The following COL25A1 variants were observed in gnomAD, a reference collection of about 807,000 sequenced individuals.
COL25A1 encodes collagen type XXV alpha 1 chain, also known as collagen alpha-1(XXV) chain.
In COL25A1, 103 loss-of-function variants were observed where a neutral mutation model predicts 128.4. That is an observed-to-expected ratio of 0.80 (90% CI 0.68 to 0.94). COL25A1 has a LOEUF of 0.94. COL25A1 is among the 40% of genes least tolerant of loss of function. The pLI is 0.00. For missense variants in COL25A1, 745 were observed against 840.0 expected, an observed-to-expected ratio of 0.89 and a Z score of 1.40; for synonymous variants, 279 against 277.2, an observed-to-expected ratio of 1.01 and a Z score of -0.06.
intron 6 of COL25A1, among the ~76,000 whole-genome samples, chr4:108,985,312 G>T (rs1165435046): frequency 6.6e-6 from 1 of 151,978 alleles, no homozygotes. Flanking sequence ...CATTACCTTG[G>T]ATTCTCCTCC....
At chr4:109,151,872 C>A (rs781383449) in intron 3 of COL25A1, among the ~76,000 whole-genome samples, 2 of 152,118 alleles carry the variant, frequency 1.3e-5, no homozygotes, top group African/African-American at 2.4e-5. Context: ...ATAAAGCTAA[C>A]TTAGCTTTCA....
chr4:108,943,834 A>AG (rs1057184791), intron 8 of COL25A1, among the ~76,000 whole-genome samples: 1 of 151,816 alleles, frequency 6.6e-6, no homozygotes, highest in Non-Finnish European at 1.5e-5. Flanking sequence ...CAAAAAAAAA[A>AG]AAACACAGAA....
chr4:109,158,996 C>G (rs896195823), intron 3 of COL25A1, among the ~76,000 whole-genome samples: 1 of 151,886 alleles, frequency 6.6e-6, no homozygotes, highest in Non-Finnish European at 1.5e-5. Flanking sequence ...TATGTATTTA[C>G]GTAGTATGTA....
At chr4:108,848,681 A>AT (rs759318373) in intron 27 of COL25A1, 78 bp downstream of exon 27, 53 of 980,018 alleles carry the variant, frequency 5.4e-5, no homozygotes, top group Middle Eastern at 4.2e-4. Context: ...TGCTCATGAC[A>AT]TTTTGGCTTC....
rs534290264 is a variant in COL25A1 at position 108,819,464 on chromosome 4, T to C, written c.1846-135A>G. 2.9e-5 allele frequency: 19 copies of C among 661,686 alleles called. No homozygotes were observed. In the African/African-American group the frequency reaches 2.9e-4, roughly 10 times the overall value. 41.0% of individuals were successfully genotyped at this position (661,686 alleles called of 1,614,324 possible). A position where few individuals can be genotyped will look rare whatever the true frequency, so the allele number is the denominator to read the frequency against. On this transcript the variant is annotated intron_variant, in intron 35 of 37. Coordinates refer to ENST00000399132, the MANE Select transcript of COL25A1 (RefSeq NM_198721.4). ...AAGGGAAAAGTAACATCCAGTGAAG[T>C]TGGGCAAAGTAAAATGGAGGGAGAC...
chr4:109,047,728 CTTTTTTT>C (rs59105153), intron 5 of COL25A1, among the ~76,000 whole-genome samples: 6 of 132,190 alleles, frequency 4.5e-5, no homozygotes, highest in African/African-American at 1.3e-4. Context: ...TAAGTATACT[CTTTTTTT>C]TTTTTTTTTT....
intron 3 of COL25A1, among the ~76,000 whole-genome samples, chr4:109,170,476 T>C (rs924766921): frequency 3.2e-4 from 49 of 152,250 alleles, no homozygotes; most frequent in African/African-American, 1.1e-3. Context: ...AATGCCTAAA[T>C]GATCTTCTGA....
intron 3 of COL25A1, among the ~76,000 whole-genome samples, chr4:109,107,449 G>C (rs1205794067): frequency 2.0e-5 from 3 of 152,066 alleles, no homozygotes; most frequent in African/African-American, 7.2e-5. Flanking sequence ...TAGATGTTTT[G>C]AGCTGTGATA....
At chr4:109,015,395 C>T (rs1579090999) in intron 5 of COL25A1, among the ~76,000 whole-genome samples, 2 of 152,262 alleles carry the variant, frequency 1.3e-5, no homozygotes, top group Admixed American at 1.3e-4. Context: ...ACAAAACACA[C>T]CGTAAGTTGC....
intron 3 of COL25A1, among the ~76,000 whole-genome samples, chr4:109,110,635 C>T (rs1056750174): frequency 5.9e-5 from 9 of 152,078 alleles, no homozygotes; most frequent in African/African-American, 1.7e-4. Flanking sequence ...CATTGTTCCT[C>T]GTCTCCTCCC....
rs368509082 is a variant in COL25A1 at position 108,832,368 on chromosome 4, G to C, written c.1710+12C>G. 1.8e-4 allele frequency: 287 copies of C among 1,601,246 alleles called. No homozygotes were observed. The highest frequency in any genetic ancestry group is 2.4e-4 in the Non-Finnish European group (276 of 1,170,768). On this transcript the variant is annotated intron_variant, in intron 32 of 37. Coordinates refer to ENST00000399132, the MANE Select transcript of COL25A1 (RefSeq NM_198721.4). ...CTTTAGTACAAGCTTAATAACCTCAGCAACAACTTACTCTTTCTCCTTTGG... is the reference window on the plus strand; with the variant it reads ...CTTTAGTACAAGCTTAATAACCTCACCAACAACTTACTCTTTCTCCTTTGG...
intron 9 of COL25A1, 80 bp from the exon 10 acceptor site, chr4:108,940,726 T>C: frequency 1.2e-6 from 1 of 868,660 alleles, no homozygotes; most frequent in East Asian, 2.6e-5. Context: ...CTTAAATTTG[T>C]ATTATCTAAT....
intron 8 of COL25A1, among the ~76,000 whole-genome samples, chr4:108,955,874 A>G (rs1291948452): frequency 6.6e-6 from 1 of 152,202 alleles, no homozygotes. Context: ...TGCCACAAAT[A>G]CTGGTGTATT....
intron 3 of COL25A1, among the ~76,000 whole-genome samples, chr4:109,127,840 C>A (rs1768779094): frequency 6.6e-6 from 1 of 152,162 alleles, no homozygotes; most frequent in African/African-American, 2.4e-5. Flanking sequence ...GGAGGCACAG[C>A]AATGCTCACA....
intron 8 of COL25A1, chr4:108,942,064 A>G: frequency 1.4e-6 from 1 of 690,198 alleles, no homozygotes; most frequent in East Asian, 2.8e-5. Context: ...GACCTCAATG[A>G]TGCAAGTGGG....
Position 109,301,840 on chromosome 4 carries a change from C to T in COL25A1, c.180G>A (p.Gln60=). The T allele has an allele frequency of 6.2e-7, 1 of 1,614,248 alleles. No individual in the cohort carries two copies. The highest frequency in any genetic ancestry group is 8.5e-7 in the Non-Finnish European group (1 of 1,180,042). The part of the protein sequence containing the change: ...LYLGVKTNDL[Q]ARIAALESAK... ...CGGATTCGAGAGCGGCGATCCTCGC[C>T]TGGAGGTCGTTGGTTTTCACACCCA... Residue 60 remains glutamine (Q), a synonymous_variant, in exon 2 of 38, where the codon CAG becomes CAA. Coordinates refer to ENST00000399132, the MANE Select transcript of COL25A1 (RefSeq NM_198721.4).
At chr4:109,139,411 G>A (rs13147337) in intron 3 of COL25A1, among the ~76,000 whole-genome samples, 13,391 of 152,118 alleles carry the variant, frequency 0.088, 827 homozygotes, top group East Asian at 0.23. Flanking sequence ...CCATGCCTAT[G>A]TCCTGAATGG....
chr4:108,817,670 GT>G (rs1731373466), intron 36 of COL25A1, among the ~76,000 whole-genome samples: 1 of 152,094 alleles, frequency 6.6e-6, no homozygotes, highest in South Asian at 2.1e-4. Flanking sequence ...TATAGAAAAT[GT>G]TATGCCTAAT....
chr4:109,274,409 G>A (rs894149001), intron 3 of COL25A1, among the ~76,000 whole-genome samples: 14 of 152,040 alleles, frequency 9.2e-5, no homozygotes, highest in Non-Finnish European at 1.8e-4. Context: ...CTTTAGACTG[G>A]TTTACAGAAA....
Sources: gnomAD v4.1 joint callset for allele counts (sites outside exome capture counted in the v4.1 genomes callset) on GRCh38, gnomAD v4.1.1 for gene constraint, MANE v1.5 for transcripts, NCBI Gene and HGNC (gene_info 2026-07-23, HGNC 2026-07-21) for gene names.